Variants in DEPDC1B observed in about 807,000 individuals in gnomAD.
DEPDC1B encodes DEP domain-containing protein 1B.
In DEPDC1B, 51 loss-of-function variants were observed where a neutral mutation model predicts 66.5. The ratio of observed to expected loss-of-function variants is 0.77; its 90% CI spans 0.61 to 0.97. The LOEUF is 0.97. Among genes scored for constraint, DEPDC1B ranks in the 50% least tolerant of loss-of-function variants. The probability of loss-of-function intolerance (pLI) is 0.00; values close to 1 mark genes in which losing one functional copy is unlikely to be tolerated. For missense variants in DEPDC1B, 552 were observed against 637.1 expected (o/e 0.87, Z 1.44); for synonymous variants, 226 against 223.6 (o/e 1.01, Z -0.10).
chr5:60,637,730 T>C (rs1584052170), intron 7 of DEPDC1B, among the ~76,000 whole-genome samples: 1 of 152,354 alleles, frequency 6.6e-6, no homozygotes, highest in Non-Finnish European at 1.5e-5. Flanking sequence ...CCTACTCTTT[T>C]AATTTGTTCC....
At chr5:60,677,326 A>ACACACACTCTCTCTCTCTCT (rs770640655) in intron 2 of DEPDC1B, among the ~76,000 whole-genome samples, 5 of 108,564 alleles carry the variant, frequency 4.6e-5, no homozygotes, top group African/African-American at 2.0e-4. Context: ...ACACACACAC[A>ACACACACTCTCTCTCTCTCT]CTCTCTCTCT....
At chr5:60,609,831 T>C (rs1752379612) in intron 7 of DEPDC1B, among the ~76,000 whole-genome samples, 1 of 152,198 alleles carries the variant, frequency 6.6e-6, no homozygotes, top group Non-Finnish European at 1.5e-5. Flanking sequence ...ACCTATTATT[T>C]TGACATAATT....
At chr5:60,630,381 T>A (rs1286021396) in intron 7 of DEPDC1B, 1 of 152,230 alleles carries the variant, frequency 6.6e-6, no homozygotes, top group Admixed American at 6.5e-5. Context: ...CCCAAGCCAG[T>A]GACGGCCTTG....
chr5:60,691,726 C>T (rs1355422043), intron 1 of DEPDC1B, among the ~76,000 whole-genome samples: 2 of 151,900 alleles, frequency 1.3e-5, no homozygotes, highest in African/African-American at 4.8e-5. Context: ...AGATGTTAAA[C>T]CTCATTAATT....
intron 2 of DEPDC1B, among the ~76,000 whole-genome samples, chr5:60,678,514 C>T (rs1754222237): frequency 6.6e-6 from 1 of 152,126 alleles, no homozygotes; most frequent in Non-Finnish European, 1.5e-5. Context: ...ATCTAGGTGT[C>T]CAACAGCAAT....
chr5:60,645,508 A>C lies in DEPDC1B; in HGVS notation c.562T>G (p.Ser188Ala). ...TGTACATACTATGATAATGTCATAG[A>C]CTTCCATATCTCTTCTACATTGGCC... Reference protein sequence around the residue: ...TEANVEEIWKSMTLSYLQKIL... With the variant: ...TEANVEEIWKAMTLSYLQKIL... The change falls in exon 4 of 11, where the codon TCT becomes GCT. Residue 188 changes from serine to alanine, a missense_variant. By Grantham distance (99) the Ser-to-Ala change is moderately conservative. Coordinates refer to ENST00000265036, the MANE Select transcript of DEPDC1B (RefSeq NM_018369.3). 3.7e-6 allele frequency: 6 copies of C among 1,610,102 alleles called. No individual in the cohort carries two copies. The highest frequency in any genetic ancestry group is 5.1e-6 in the Non-Finnish European group (6 of 1,178,438).
chr5:60,689,032 A>G (rs1341431332), intron 1 of DEPDC1B: 1 of 456,272 alleles, frequency 2.2e-6, no homozygotes, highest in South Asian at 1.5e-5. Flanking sequence ...GGACCACTTC[A>G]GGATAACAGA....
intron 8 of DEPDC1B, among the ~76,000 whole-genome samples, chr5:60,604,712 G>A (rs1752275205): frequency 1.3e-5 from 2 of 152,110 alleles, no homozygotes; most frequent in South Asian, 4.1e-4. Context: ...GAGACACACA[G>A]GCAGAGAATT....
At chr5:60,614,468 A>G (rs2111750169) in intron 7 of DEPDC1B, among the ~76,000 whole-genome samples, 1 of 152,298 alleles carries the variant, frequency 6.6e-6, no homozygotes, top group East Asian at 1.9e-4. Context: ...AACTACAAGC[A>G]TGTGCCCCAA....
chr5:60,611,767 C>G (rs567214973), intron 7 of DEPDC1B, among the ~76,000 whole-genome samples: 4 of 152,150 alleles, frequency 2.6e-5, no homozygotes, highest in African/African-American at 9.7e-5. Context: ...AGAAGAAAAC[C>G]TGGAATCTAG....
intron 1 of DEPDC1B, among the ~76,000 whole-genome samples, chr5:60,696,963 T>C (rs1754670323): frequency 6.6e-6 from 1 of 152,182 alleles, no homozygotes; most frequent in Non-Finnish European, 1.5e-5. Context: ...CACAACCTCG[T>C]TGTGTGATCT....
In DEPDC1B at chr5:60,667,639, G is replaced by A. The variant is rs1183983556; in HGVS notation, c.314+19323C>T. Among the ~76,000 whole-genome samples, 133 of 123,082 alleles carry A rather than the reference G, an allele frequency of 1.1e-3. 1 individual carries two copies. The highest frequency in any genetic ancestry group is 7.8e-3 in the South Asian group (29 of 3,696). 80.7% of individuals were successfully genotyped at this position (123,082 alleles called of 152,430 possible). ...TAAAAAATGGATATTTTACATATAT[G>A]AAAAATGGATATTTTACATGTATAT... On this transcript the variant is annotated intron_variant, in intron 2 of 10. Coordinates refer to ENST00000265036, the MANE Select transcript of DEPDC1B (RefSeq NM_018369.3).
At chr5:60,624,158 G>A (rs1369060857) in intron 7 of DEPDC1B, among the ~76,000 whole-genome samples, 1 of 152,088 alleles carries the variant, frequency 6.6e-6, no homozygotes, top group African/African-American at 2.4e-5. Context: ...TAAGGCTGAG[G>A]AAGTTTTCTT....
intron 2 of DEPDC1B, among the ~76,000 whole-genome samples, chr5:60,672,453 A>G (rs577516451): frequency 6.6e-6 from 1 of 152,284 alleles, no homozygotes; most frequent in East Asian, 1.9e-4. Flanking sequence ...CAGGAGAGAA[A>G]GAAAGAGCGC....
rs542950389 is a variant in DEPDC1B at position 60,665,996 on chromosome 5, C to T, written c.315-18463G>A. On this transcript the variant is annotated intron_variant, in intron 2 of 10. Coordinates refer to ENST00000265036, the MANE Select transcript of DEPDC1B (RefSeq NM_018369.3). ...GGGTCCCTCCCATTGTATGGGAGCT[C>T]TGTTTTCACTCTATTAAATCTTGCA... is the stretch of plus-strand genomic sequence containing the variant. Among the ~76,000 whole-genome samples, 6 of 152,308 alleles carry T rather than the reference C, an allele frequency of 3.9e-5. No homozygotes were observed. In the South Asian group the frequency reaches 1.2e-3, roughly 32 times the overall value.
At chr5:60,667,807 A>G (rs1247217001) in intron 2 of DEPDC1B, among the ~76,000 whole-genome samples, 1 of 130,828 alleles carries the variant, frequency 7.6e-6, no homozygotes, top group Non-Finnish European at 1.5e-5. Context: ...TTTTACATAT[A>G]TATAAAAAAT....
At chr5:60,649,390 G>A (rs1402722363) in intron 2 of DEPDC1B, among the ~76,000 whole-genome samples, 1 of 152,128 alleles carries the variant, frequency 6.6e-6, no homozygotes. Context: ...TCCACACTAA[G>A]AAGATGAGAT....
intron 2 of DEPDC1B, among the ~76,000 whole-genome samples, chr5:60,668,089 ATATATATATAAAATGGATATTT>A (rs1267709125): frequency 2.0e-5 from 2 of 97,982 alleles, no homozygotes; most frequent in Admixed American, 1.1e-4. Flanking sequence ...GATATTTTAT[ATATATATATAAAATGGATATTT>A]TATATATATA....
At chr5:60,683,224 G>T (rs1754337448) in intron 2 of DEPDC1B, among the ~76,000 whole-genome samples, 1 of 152,142 alleles carries the variant, frequency 6.6e-6, no homozygotes, top group South Asian at 2.1e-4. Flanking sequence ...GAGCTCAGGG[G>T]TTCAAGACCA....
Sources: allele counts gnomAD v4.1 joint callset (sites outside exome capture counted in the v4.1 genomes callset), GRCh38; gene constraint gnomAD v4.1.1; transcripts MANE v1.5; gene names NCBI Gene and HGNC (gene_info 2026-07-23, HGNC 2026-07-21).